SLC25A24: variants seen among roughly 807,000 people sequenced by gnomAD.
SLC25A24 encodes solute carrier family 25 member 24, also known as mitochondrial adenyl nucleotide antiporter SLC25A24.
SLC25A24 carries 49 observed loss-of-function variants against 60.7 expected under a neutral mutation model. The ratio of observed to expected loss-of-function variants is 0.81; its 90% CI spans 0.64 to 1.02. The LOEUF is 1.02. Ranked by LOEUF, SLC25A24 falls within the 50% of genes least tolerant of loss-of-function variation. SLC25A24 has a pLI of 0.00. For missense variants in SLC25A24, 564 were observed against 586.3 expected, an observed-to-expected ratio of 0.96 and a Z score of 0.39; for synonymous variants, 202 against 200.6, an observed-to-expected ratio of 1.01 and a Z score of -0.06.
chr1:108,190,347 G>C (rs1648305532), intron 1 of SLC25A24, among the ~76,000 whole-genome samples: 3 of 152,172 alleles, frequency 2.0e-5, no homozygotes, highest in Admixed American at 6.5e-5. Flanking sequence ...TAGGGGGGCT[G>C]TCGGTTATTA....
At chr1:108,145,563 A>G (rs1472222135) in intron 7 of SLC25A24, among the ~76,000 whole-genome samples, 1 of 145,830 alleles carries the variant, frequency 6.9e-6, no homozygotes, top group Non-Finnish European at 1.5e-5. Context: ...TAAGACTTTA[A>G]TCTATCTTGA....
chr1:108,158,384 G>A (rs955102358), intron 4 of SLC25A24, among the ~76,000 whole-genome samples: 1 of 152,030 alleles, frequency 6.6e-6, no homozygotes, highest in Non-Finnish European at 1.5e-5. Context: ...GCTCTCCTAT[G>A]GTAGTAACCC....
Position 108,161,184 on chromosome 1 carries a change from T to G in SLC25A24, c.508A>C (p.Thr170Pro). The change falls in exon 4 of 10, where the codon ACA becomes CCA. Residue 170 changes from threonine to proline, a missense_variant and splice_region_variant. By Grantham distance (38) the Thr-to-Pro change is conservative. Coordinates refer to ENST00000565488, the MANE Select transcript of SLC25A24 (RefSeq NM_013386.5). Reference protein sequence around the residue: ...EEIIRFWKHSTGIDIGDSLTI... With the variant: ...EEIIRFWKHSPGIDIGDSLTI... ...ATAAATACATAAAGTAGACTTACTGTAGAATGTTTCCAGAAACGGATAATT... is the reference window on the plus strand; with the variant it reads ...ATAAATACATAAAGTAGACTTACTGGAGAATGTTTCCAGAAACGGATAATT... The G allele has an allele frequency of 6.8e-7, 1 of 1,465,064 alleles. No individual in the cohort carries two copies. Among genetic ancestry groups the G allele is most frequent in the Non-Finnish European group, 9.6e-7 (1 of 1,045,796 alleles). 90.8% of individuals were successfully genotyped at this position (1,465,064 alleles called of 1,614,324 possible). A position where few individuals can be genotyped will look rare whatever the true frequency, so the allele number is the denominator to read the frequency against.
chr1:108,178,106 G>A lies in SLC25A24; in HGVS notation c.398+3835C>T, dbSNP rs1647759009. ...TGAACCGTGAGACGGGGGCTGCAGT[G>A]AGCCGAGACCCTGCCACTGCACTCC... On this transcript the variant is annotated intron_variant, in intron 3 of 9. Coordinates refer to ENST00000565488, the MANE Select transcript of SLC25A24 (RefSeq NM_013386.5). Among the ~76,000 whole-genome samples the A allele has an allele frequency of 1.3e-5, 2 of 152,116 alleles. 1 individual carries two copies. The highest frequency in any genetic ancestry group is 4.1e-4 in the South Asian group (2 of 4,820).
intron 6 of SLC25A24, among the ~76,000 whole-genome samples, chr1:108,150,418 T>C (rs1036972908): frequency 1.3e-5 from 2 of 152,158 alleles, no homozygotes; most frequent in African/African-American, 4.8e-5. Context: ...AACTGAACCT[T>C]CCTAAAGGAG....
chr1:108,189,661 A>G (rs1648275820), intron 1 of SLC25A24, among the ~76,000 whole-genome samples: 1 of 151,920 alleles, frequency 6.6e-6, no homozygotes, highest in Non-Finnish European at 1.5e-5. Context: ...CTAAAATTTA[A>G]AACAATTAGC....
chr1:108,139,437 A>C lies in SLC25A24; in HGVS notation c.1099-229T>G, dbSNP rs981087569. 1.7e-4 allele frequency among the ~76,000 whole-genome samples: 26 copies of C among 152,342 alleles called. 1 individual carries two copies. In the South Asian group the frequency reaches 5.2e-3, roughly 30 times the overall value. On this transcript the variant is annotated intron_variant, in intron 8 of 9. Transcript: ENST00000565488. ...CCGGTTACTGACATTCTTCTAAACA[A>C]ACGTGAACTGCGCAGCAAACGCTGC...
intron 2 of SLC25A24, among the ~76,000 whole-genome samples, chr1:108,183,050 G>A (rs1291863375): frequency 6.6e-6 from 1 of 152,158 alleles, no homozygotes; most frequent in Non-Finnish European, 1.5e-5. Flanking sequence ...ACAGGCTCAT[G>A]AGAATCCTAA....
At chr1:108,160,748 G>A (rs1008815210) in intron 4 of SLC25A24, among the ~76,000 whole-genome samples, 4 of 152,272 alleles carry the variant, frequency 2.6e-5, no homozygotes, top group Non-Finnish European at 5.9e-5. Context: ...AGGAGCTGGA[G>A]ACCAGCCCGG....
intron 6 of SLC25A24, among the ~76,000 whole-genome samples, chr1:108,150,853 T>G (rs1679736038): frequency 6.6e-6 from 1 of 152,176 alleles, no homozygotes; most frequent in African/African-American, 2.4e-5. Context: ...TTCAACTTCT[T>G]TATTTGTATT....
chr1:108,167,876 T>G (rs1429966400), intron 3 of SLC25A24, among the ~76,000 whole-genome samples: 2 of 152,246 alleles, frequency 1.3e-5, no homozygotes, highest in East Asian at 1.9e-4. Context: ...TACTCAAATA[T>G]TTATCATTAA....
In SLC25A24 at chr1:108,154,992, T is replaced by C. The variant is rs888765978; in HGVS notation, c.813A>G (p.Ala271=). The part of the protein sequence containing the change: ...IAPETAVKFW[A]YEQYKKLLTE... ...GGGTGATAACAATTACCTGTTCATA[T>C]GCCCAGAATTTAACAGCTGTCTCAG... The change falls in exon 6 of 10, where the codon GCA becomes GCG. Residue 271 remains alanine (A), a synonymous_variant. Coordinates refer to ENST00000565488, the MANE Select transcript of SLC25A24 (RefSeq NM_013386.5). 5 of 1,607,414 alleles carry C rather than the reference T, an allele frequency of 3.1e-6. No individual in the cohort carries two copies. Among genetic ancestry groups the C allele is most frequent in the Non-Finnish European group, 4.2e-6 (5 of 1,177,300 alleles).
chr1:108,155,979 A>G (rs201155065), intron 5 of SLC25A24, among the ~76,000 whole-genome samples: 1 of 130,874 alleles, frequency 7.6e-6, no homozygotes, highest in Admixed American at 7.5e-5. Flanking sequence ...ACACACACAC[A>G]CACACTCACA....
Position 108,200,313 on chromosome 1 carries a change from C to T in SLC25A24, c.-175G>A, listed in dbSNP as rs1242006339. ...GGGCGCAGGGCGCAGGAGCGGAGAC[C>T]CCACCCGAGCCCGCGCGGAGCGCAG... On this transcript the variant is annotated 5_prime_UTR_variant, in exon 1 of 10. Coordinates refer to ENST00000565488, the MANE Select transcript of SLC25A24 (RefSeq NM_013386.5). The T allele has an allele frequency of 1.2e-5, 5 of 416,506 alleles. No homozygotes were observed. The highest frequency in any genetic ancestry group is 1.1e-4 in the African/African-American group (5 of 47,364). 25.8% of individuals were successfully genotyped at this position (416,506 alleles called of 1,614,324 possible). A position where few individuals can be genotyped will look rare whatever the true frequency, so the allele number is the denominator to read the frequency against.
Position 108,200,160 on chromosome 1 carries a change from C to G in SLC25A24, c.-22G>C, listed in dbSNP as rs1435446464. 3.1e-5 allele frequency: 47 copies of G among 1,536,262 alleles called. No individual in the cohort carries two copies. The highest frequency in any genetic ancestry group is 4.0e-5 in the Non-Finnish European group (46 of 1,144,518). ...ACATGGTCCCAGAGGCGCAGGCGGCCTGGCCGAGGAAGTCACGGGAGATCG... is the reference window on the plus strand; with the variant it reads ...ACATGGTCCCAGAGGCGCAGGCGGCGTGGCCGAGGAAGTCACGGGAGATCG... On this transcript the variant is annotated 5_prime_UTR_variant, in exon 1 of 10. Coordinates refer to ENST00000565488, the MANE Select transcript of SLC25A24 (RefSeq NM_013386.5).
At chr1:108,149,459 G>C (rs2101605803) in intron 6 of SLC25A24, among the ~76,000 whole-genome samples, 1 of 152,286 alleles carries the variant, frequency 6.6e-6, no homozygotes. Flanking sequence ...TTACCTCACA[G>C]GGTTATGGAA....
At chr1:108,157,135 T>C (rs950948576) in intron 5 of SLC25A24, among the ~76,000 whole-genome samples, 27 of 152,320 alleles carry the variant, frequency 1.8e-4, no homozygotes, top group African/African-American at 6.3e-4. Context: ...ACTTTACTTT[T>C]GATAAAGTAT....
intron 6 of SLC25A24, 73 bp from the exon 7 acceptor site, chr1:108,148,459 G>T: frequency 1.2e-6 from 1 of 843,124 alleles, no homozygotes; most frequent in Non-Finnish European, 2.0e-6. Context: ...AAATTCATAT[G>T]TTGAAGCTGT....
rs570551180 is a variant in SLC25A24, at chr1:108,160,156, C to T, written c.510+1026G>A. On this transcript the variant is annotated intron_variant, in intron 4 of 9. Coordinates refer to ENST00000565488, the MANE Select transcript of SLC25A24 (RefSeq NM_013386.5). ...CCGGGCGGAGACGCTCCTCACTTCC[C>T]AGACGGGGCGGCTGCCGGGCGGAGG... Among the ~76,000 whole-genome samples the T allele has an allele frequency of 5.9e-5, 9 of 152,014 alleles. No individual in the cohort carries two copies. In the South Asian group the frequency reaches 1.7e-3, roughly 28 times the overall value.
Sources: allele counts gnomAD v4.1 joint callset (sites outside exome capture counted in the v4.1 genomes callset), GRCh38; gene constraint gnomAD v4.1.1; transcripts MANE v1.5; gene names NCBI Gene and HGNC (gene_info 2026-07-23, HGNC 2026-07-21).